The following DLC1 variants were observed in gnomAD, a reference collection of about 807,000 sequenced individuals.
The protein encoded by DLC1 is rho GTPase-activating protein 7.
A neutral mutation model predicts 140.3 loss-of-function variants in DLC1; 54 were observed. The observed-to-expected ratio is 0.38, with a 90% CI of 0.31 to 0.48. DLC1 has a LOEUF of 0.48. DLC1 is among the 20% of genes least tolerant of loss of function. The pLI is 0.96. For synonymous variants in DLC1, 986 were observed against 728.1 expected (o/e 1.35, Z -5.70); for missense variants, 2,536 against 1,907.0 (o/e 1.33, Z -6.14).
chr8:13,568,836 C>G lies in DLC1; in HGVS notation c.-126+35701G>C, dbSNP rs191413917. On this transcript the variant is annotated intron_variant, in intron 1 of 1. Coordinates refer to the DLC1 transcript ENST00000631382. ...ATGTATTGGGCACTGCTGACCTTAG[C>G]AAAAGCCATTTCACTTATACAAATG... is the stretch of plus-strand genomic sequence containing the variant. Among the ~76,000 whole-genome samples the G allele has an allele frequency of 1.1e-3, 166 of 152,186 alleles. 3 individuals are homozygous for G. The highest frequency in any genetic ancestry group is 3.7e-4 in the Non-Finnish European group (25 of 68,010).
At chr8:13,118,228 C>A (rs1454702902) in intron 5 of DLC1, among the ~76,000 whole-genome samples, 2 of 152,038 alleles carry the variant, frequency 1.3e-5, no homozygotes, top group Non-Finnish European at 2.9e-5. Flanking sequence ...TCCAAATGAT[C>A]ATAAACTGAT....
At position 13,453,424 on chromosome 8, in the gene DLC1, G is replaced by A. The variant is rs1291252340; in HGVS notation, c.1023+45625C>T. ...TATGTGTATATATATATATATATAT[G>A]TGTATATATATATGTATATATATAC... On this transcript the variant is annotated intron_variant, in intron 2 of 17. Transcript: ENST00000276297. Among the ~76,000 whole-genome samples, 193 of 56,250 alleles carry A rather than the reference G, an allele frequency of 3.4e-3. 7 individuals carry two copies. The African/African-American group carries it at 0.035, about 10-fold the overall frequency. 36.9% of individuals were successfully genotyped at this position (56,250 alleles called of 152,430 possible).
At chr8:13,302,109 A>G (rs1451102451) in intron 5 of DLC1, among the ~76,000 whole-genome samples, 5 of 152,252 alleles carry the variant, frequency 3.3e-5, no homozygotes, top group African/African-American at 9.6e-5. Flanking sequence ...TCAGATCCTA[A>G]GAAGGCACAT....
intron 2 of DLC1, among the ~76,000 whole-genome samples, chr8:13,433,951 G>T (rs554163543): frequency 6.6e-6 from 1 of 152,200 alleles, no homozygotes; most frequent in Non-Finnish European, 1.5e-5. Context: ...CGCCTCCTGG[G>T]TTCAAGCAAT....
At chr8:13,384,224 C>A (rs1013171112) in intron 4 of DLC1, among the ~76,000 whole-genome samples, 1 of 152,190 alleles carries the variant, frequency 6.6e-6, no homozygotes, top group Non-Finnish European at 1.5e-5. Flanking sequence ...CCTGTTCTTG[C>A]AAGGCCTCTG....
chr8:13,313,839 T>C (rs1832769827), intron 4 of DLC1, among the ~76,000 whole-genome samples: 1 of 152,186 alleles, frequency 6.6e-6, no homozygotes, highest in Non-Finnish European at 1.5e-5. Flanking sequence ...GTGTGGAGGA[T>C]ATAATCCTTC....
chr8:13,099,622 C>A lies in DLC1; in HGVS notation c.2715G>T (p.Glu905Asp). ...ADLENEDIFP[E>D]LDDILYHVKG... The stretch of plus-strand genomic sequence containing the variant: ...TCACGTGGTAGAGGATGTCGTCCAG[C>A]TCGGGGAAGATGTCCTCGTTCTCCA... The change falls in exon 9 of 18, where the codon GAG becomes GAT. Residue 905 changes from glutamate (E) to aspartate (D), a missense_variant. By Grantham distance (45) the Glu-to-Asp change is conservative. Transcript: ENST00000276297. The A allele has an allele frequency of 6.2e-7, 1 of 1,614,216 alleles. No individual in the cohort carries two copies. The highest frequency in any genetic ancestry group is 1.7e-5 in the Admixed American group (1 of 60,022).
intron 5 of DLC1, among the ~76,000 whole-genome samples, chr8:13,245,248 G>C (rs576084028): frequency 1.1e-4 from 16 of 152,280 alleles, no homozygotes; most frequent in African/African-American, 3.9e-4. Flanking sequence ...TGGGGTGTCT[G>C]CATCAACCAG....
intron 5 of DLC1, among the ~76,000 whole-genome samples, chr8:13,227,982 C>G (rs1020452228): frequency 1.3e-5 from 2 of 152,080 alleles, no homozygotes; most frequent in Non-Finnish European, 2.9e-5. Context: ...TATCACCTGT[C>G]CCACTCTGCC....
Position 13,133,282 on chromosome 8 carries a change from A to G in DLC1, c.1349-17625T>C. 3 of 1,305,872 alleles carry G rather than the reference A, an allele frequency of 2.3e-6. No individual in the cohort carries two copies. In the South Asian group the frequency reaches 5.4e-5, roughly 23 times the overall value. The allele number at this position is 1,305,872 out of a possible 1,614,324, so 80.9% of individuals were successfully genotyped here. ...GAAGCGCCCTCGCTCGGGCAGTCGG[A>G]GCGAACTGTCTCCCGCGCGCTCCGC... On this transcript the variant is annotated intron_variant, in intron 5 of 17. Transcript: ENST00000276297.
intron 5 of DLC1, among the ~76,000 whole-genome samples, chr8:13,147,799 C>A (rs1422452514): frequency 6.6e-6 from 1 of 152,060 alleles, no homozygotes; most frequent in Admixed American, 6.6e-5. Context: ...ACCATCCTGG[C>A]CAACATGGTG....
At chr8:13,356,158 G>C (rs940872753) in intron 4 of DLC1, among the ~76,000 whole-genome samples, 5 of 151,216 alleles carry the variant, frequency 3.3e-5, no homozygotes, top group African/African-American at 1.2e-4. Flanking sequence ...GATGATGCAG[G>C]GGAGTTTAAT....
chr8:13,137,320 T>C (rs1189074043), intron 5 of DLC1, among the ~76,000 whole-genome samples: 2 of 152,226 alleles, frequency 1.3e-5, no homozygotes, highest in East Asian at 3.9e-4. Context: ...AGGGATTTTT[T>C]AGCTGAGCTG....
chr8:13,243,797 C>T (rs1307723569), intron 5 of DLC1, among the ~76,000 whole-genome samples: 1 of 152,182 alleles, frequency 6.6e-6, no homozygotes, highest in Non-Finnish European at 1.5e-5. Context: ...GCCAAAAGAG[C>T]TGCTCTCTGT....
intron 7 of DLC1, among the ~76,000 whole-genome samples, chr8:13,107,117 G>T (rs1819630742): frequency 1.3e-5 from 2 of 152,214 alleles, no homozygotes; most frequent in Non-Finnish European, 2.9e-5. Flanking sequence ...TGAACCCCTT[G>T]CAGTGTGAAT....
Position 13,400,353 on chromosome 8 carries a change from T to G in DLC1, c.1173+1117A>C, listed in dbSNP as rs532358082. Among the ~76,000 whole-genome samples the G allele has an allele frequency of 2.0e-5, 3 of 152,308 alleles. No individual in the cohort carries two copies. The South Asian group carries it at 6.2e-4, about 32-fold the overall frequency. ...GAGCCATTAGTTAGGAAATAACATC[T>G]CCATTTTTCACATGAACCTGCAGTT... On this transcript the variant is annotated intron_variant, in intron 3 of 17. Coordinates refer to ENST00000276297, the MANE Select transcript of DLC1 (RefSeq NM_182643.3).
intron 6 of DLC1, among the ~76,000 whole-genome samples, chr8:13,113,639 A>G (rs981941180): frequency 2.0e-5 from 3 of 152,232 alleles, no homozygotes; most frequent in Non-Finnish European, 2.9e-5. Context: ...TGTTACTGCC[A>G]ATGCAGTTGT....
At chr8:13,342,251 C>T (rs1278145176) in intron 4 of DLC1, 4 of 152,090 alleles carry the variant, frequency 2.6e-5, no homozygotes, top group Non-Finnish European at 4.4e-5. Context: ...AAACAGTCAC[C>T]TCCTATTTCA....
At chr8:13,555,507 T>G (rs1804011744) in intron 1 of DLC1, among the ~76,000 whole-genome samples, 1 of 152,156 alleles carries the variant, frequency 6.6e-6, no homozygotes, top group Non-Finnish European at 1.5e-5. Context: ...TTTTTATTTT[T>G]TTGAGACGGA....
Sources: allele counts gnomAD v4.1 joint callset (sites outside exome capture counted in the v4.1 genomes callset), GRCh38; gene constraint gnomAD v4.1.1; transcripts MANE v1.5; gene names NCBI Gene and HGNC (gene_info 2026-07-23, HGNC 2026-07-21).